Variants in ASTN1 observed in about 807,000 individuals in gnomAD.
ASTN1 encodes the protein astrotactin 1.
In ASTN1, 41 loss-of-function variants were observed where a neutral mutation model predicts 140.7. The ratio of observed to expected loss-of-function variants is 0.29; its 90% CI spans 0.23 to 0.38. The LOEUF (loss-of-function observed/expected upper bound fraction) is 0.38, where lower values mean the gene tolerates loss of function less well. Ranked by LOEUF, ASTN1 falls within the 10% of genes least tolerant of loss-of-function variation. The pLI is 1.00. For synonymous variants in ASTN1, 640 were observed against 652.2 expected, an observed-to-expected ratio of 0.98 and a Z score of 0.29; for missense variants, 1,479 against 1,678.8, an observed-to-expected ratio of 0.88 and a Z score of 2.08.
At chr1:176,860,314 A>G (rs1189366321), downstream of ASTN1, among the ~76,000 whole-genome samples, 1 of 152,248 alleles carries the variant, frequency 6.6e-6, no homozygotes, top group Non-Finnish European at 1.5e-5. Flanking sequence ...AAACTGCTAC[A>G]GTCATCATCT....
intron 2 of ASTN1, among the ~76,000 whole-genome samples, chr1:177,045,797 C>A (rs973718086): frequency 6.6e-6 from 1 of 152,104 alleles, no homozygotes; most frequent in Non-Finnish European, 1.5e-5. Context: ...CCTGCTCCAC[C>A]CCTTAGAGGT....
intron 1 of ASTN1, 42 bp downstream of exon 1, chr1:177,164,352 G>A (rs1034448904): frequency 3.3e-6 from 5 of 1,515,778 alleles, no homozygotes; most frequent in Admixed American, 2.2e-5. Flanking sequence ...TGGGGGCGCC[G>A]GTCCAGCGCC....
chr1:176,923,954 G>A (rs1670848583), intron 16 of ASTN1, among the ~76,000 whole-genome samples: 1 of 152,016 alleles, frequency 6.6e-6, no homozygotes, highest in South Asian at 2.1e-4. Context: ...GATAATTAGT[G>A]GTGGACTGGA....
chr1:177,157,360 G>A (rs899808509), intron 1 of ASTN1, among the ~76,000 whole-genome samples: 1 of 152,046 alleles, frequency 6.6e-6, no homozygotes, highest in Non-Finnish European at 1.5e-5. Flanking sequence ...CTGTTACCCA[G>A]GCCAGAATGC....
chr1:177,156,430 T>C (rs1280774690), intron 1 of ASTN1, among the ~76,000 whole-genome samples: 4 of 152,036 alleles, frequency 2.6e-5, no homozygotes, highest in Non-Finnish European at 5.9e-5. Flanking sequence ...TTGACTGGGG[T>C]ATATCAAAGT....
chr1:176,870,765 A>G (rs1306399362), intron 21 of ASTN1, among the ~76,000 whole-genome samples: 6 of 152,222 alleles, frequency 3.9e-5, no homozygotes, highest in Admixed American at 2.6e-4. Context: ...AAATTCTCAT[A>G]TTGTTAAAAA....
At chr1:177,064,877 A>G (rs886884592) in intron 1 of ASTN1, among the ~76,000 whole-genome samples, 6 of 152,240 alleles carry the variant, frequency 3.9e-5, no homozygotes, top group Non-Finnish European at 7.3e-5. Context: ...GGGCCAACCA[A>G]TGAAAAACCA....
intron 1 of ASTN1, among the ~76,000 whole-genome samples, chr1:177,112,093 C>A (rs1680847915): frequency 6.6e-6 from 1 of 152,178 alleles, no homozygotes; most frequent in Non-Finnish European, 1.5e-5. Context: ...GCAAGTGACC[C>A]TCCTCTATAT....
Position 176,989,139 on chromosome 1 carries a change from A to G in ASTN1, c.1524-23902T>C, listed in dbSNP as rs228004. 3.2e-3 allele frequency among the ~76,000 whole-genome samples: 490 copies of G among 152,310 alleles called. 3 individuals are homozygous for G. The highest frequency in any genetic ancestry group is 0.027 in the Middle Eastern group (8 of 294). On this transcript the variant is annotated intron_variant, in intron 8 of 22. Coordinates refer to ENST00000361833, the MANE Select transcript of ASTN1 (RefSeq NM_004319.3). ...TAGCCCTAGATCTCTATAAAATTGG[A>G]TTCGGGGAAGTAAAGTAGATTTGCC...
chr1:177,136,680 A>T (rs1470411434), intron 1 of ASTN1, among the ~76,000 whole-genome samples: 1 of 152,000 alleles, frequency 6.6e-6, no homozygotes, highest in Admixed American at 6.6e-5. Context: ...CTTTCTATCC[A>T]TCTTCCTGGC....
chr1:176,987,461 T>C (rs1353713541), intron 8 of ASTN1, among the ~76,000 whole-genome samples: 1 of 152,188 alleles, frequency 6.6e-6, no homozygotes, highest in Non-Finnish European at 1.5e-5. Flanking sequence ...TCCCCTCTCC[T>C]GCTTAAAATA....
chr1:177,053,250 T>C (rs1040932526), intron 2 of ASTN1, among the ~76,000 whole-genome samples: 5 of 152,220 alleles, frequency 3.3e-5, no homozygotes, highest in Non-Finnish European at 4.4e-5. Flanking sequence ...GTGAACTAGA[T>C]TGCTGAACAG....
chr1:176,939,887 A>G (rs568219090), intron 14 of ASTN1, among the ~76,000 whole-genome samples: 1 of 151,146 alleles, frequency 6.6e-6, no homozygotes, highest in African/African-American at 2.4e-5. Flanking sequence ...GGGACGGAGG[A>G]AGGGAAGGAA....
intron 9 of ASTN1, 29 bp downstream of exon 9, chr1:176,965,134 C>T: frequency 6.2e-7 from 1 of 1,605,300 alleles, no homozygotes; most frequent in Non-Finnish European, 8.5e-7. Flanking sequence ...TGCAGACGTA[C>T]ATAAGCAAGT....
At chr1:177,013,670 C>T (rs1457038473) in intron 8 of ASTN1, among the ~76,000 whole-genome samples, 1 of 152,096 alleles carries the variant, frequency 6.6e-6, no homozygotes, top group East Asian at 1.9e-4. Flanking sequence ...TTTCTTTTTT[C>T]CACCTGTCAA....
At chr1:176,887,839 T>C (rs951107612) in intron 18 of ASTN1, among the ~76,000 whole-genome samples, 2 of 152,152 alleles carry the variant, frequency 1.3e-5, no homozygotes, top group East Asian at 3.9e-4. Flanking sequence ...CAGTTCAGAC[T>C]TGACCATTCC....
At chr1:177,059,124 T>G (rs1677952670) in intron 2 of ASTN1, among the ~76,000 whole-genome samples, 1 of 152,170 alleles carries the variant, frequency 6.6e-6, no homozygotes, top group African/African-American at 2.4e-5. Flanking sequence ...AACATTTTCA[T>G]CAGTGTGACA....
At chr1:176,857,605 C>T, downstream of ASTN1, 2 of 611,596 alleles carry the variant, frequency 3.3e-6, no homozygotes, top group East Asian at 3.1e-5. Context: ...TCTTCCTTTC[C>T]TCCAATCATC....
chr1:177,017,023 G>A (rs1441951811), intron 7 of ASTN1, among the ~76,000 whole-genome samples: 3 of 152,128 alleles, frequency 2.0e-5, no homozygotes, highest in Non-Finnish European at 2.9e-5. Context: ...AAAAATGGGA[G>A]TTCTCTTTCA....
Sources: allele counts gnomAD v4.1 joint callset (sites outside exome capture counted in the v4.1 genomes callset), GRCh38; gene constraint gnomAD v4.1.1; transcripts MANE v1.5; gene names NCBI Gene and HGNC (gene_info 2026-07-23, HGNC 2026-07-21).